Variants in WWOX observed in about 807,000 individuals in gnomAD.
WWOX encodes WW domain-containing oxidoreductase.
Under a neutral mutation model 46.2 loss-of-function variants are expected in WWOX, and 69 were observed. The ratio of observed to expected loss-of-function variants is 1.49; its 90% confidence interval spans 1.23 to 1.82. WWOX has a LOEUF of 1.82. WWOX is among the 40% of genes most tolerant of loss of function. WWOX has a pLI of 0.00. For synonymous variants in WWOX, 359 were observed against 202.6 expected (o/e 1.77, Z -6.56); for missense variants, 919 against 542.6 (o/e 1.69, Z -6.89).
At chr16:78,402,509 G>C (rs760069557) in intron 6 of WWOX, among the ~76,000 whole-genome samples, 1 of 152,056 alleles carries the variant, frequency 6.6e-6, no homozygotes, top group African/African-American at 2.4e-5. Flanking sequence ...TGGAAAGTAG[G>C]GTTGGAGGTC....
intron 5 of WWOX, among the ~76,000 whole-genome samples, chr16:78,274,840 A>G (rs2079548102): frequency 6.6e-6 from 1 of 152,210 alleles, no homozygotes; most frequent in Non-Finnish European, 1.5e-5. Flanking sequence ...TTAATGCCTC[A>G]TGAATGCCCA....
In WWOX at chr16:78,375,063, C is replaced by G. The variant is rs534046388; in HGVS notation, c.517-11797C>G. On this transcript the variant is annotated intron_variant, in intron 5 of 8. Coordinates refer to ENST00000566780, the MANE Select transcript of WWOX (RefSeq NM_016373.4). Reference sequence around the variant, plus strand: ...GCAGATACCATTTTAAGCAGGAAACCTTATTTTTTTCCGAAGCACATTTAA... The same window carrying G: ...GCAGATACCATTTTAAGCAGGAAACGTTATTTTTTTCCGAAGCACATTTAA... 5.9e-5 allele frequency among the ~76,000 whole-genome samples: 9 copies of G among 152,280 alleles called. No individual in the cohort carries two copies. In the South Asian group the frequency reaches 1.2e-3, roughly 21 times the overall value.
At chr16:79,014,288 A>C (rs2047370057) in intron 8 of WWOX, among the ~76,000 whole-genome samples, 2 of 152,114 alleles carry the variant, frequency 1.3e-5, no homozygotes, top group African/African-American at 2.4e-5. Context: ...CCACCCGGTG[A>C]TTTATACCAA....
chr16:78,903,490 A>G (rs868665633), intron 8 of WWOX, among the ~76,000 whole-genome samples: 1 of 152,358 alleles, frequency 6.6e-6, no homozygotes. Context: ...TGCAAAAAGC[A>G]AAACCACTCA....
At chr16:79,084,760 C>T (rs941382840) in intron 8 of WWOX, among the ~76,000 whole-genome samples, 1 of 151,580 alleles carries the variant, frequency 6.6e-6, no homozygotes, top group Non-Finnish European at 1.5e-5. Context: ...ACAGTGACTC[C>T]TTGTTAGGGT....
At chr16:79,129,517 GA>G (rs1323407386) in intron 8 of WWOX, among the ~76,000 whole-genome samples, 1 of 151,514 alleles carries the variant, frequency 6.6e-6, no homozygotes, top group Non-Finnish European at 1.5e-5. Context: ...TTAAGCTGCA[GA>G]AAATGGCGGT....
intron 8 of WWOX, chr16:78,895,230 A>G (rs751777854): frequency 4.6e-5 from 7 of 152,376 alleles, no homozygotes; most frequent in Admixed American, 3.3e-4. Flanking sequence ...TAACAGAAAT[A>G]GAACCTGCCT....
At chr16:79,019,655 T>C (rs2047491773) in intron 8 of WWOX, among the ~76,000 whole-genome samples, 1 of 151,870 alleles carries the variant, frequency 6.6e-6, no homozygotes, top group African/African-American at 2.4e-5. Flanking sequence ...GCATACTGGA[T>C]AAGCAAGGGA....
intron 8 of WWOX, among the ~76,000 whole-genome samples, chr16:78,886,596 C>G (rs2044462754): frequency 1.3e-5 from 2 of 148,620 alleles, no homozygotes; most frequent in South Asian, 4.2e-4. Context: ...TATGTATTGT[C>G]CAATTGCTTT....
At chr16:78,894,049 T>TATTATTATTATAATA (rs879592229) in intron 8 of WWOX, among the ~76,000 whole-genome samples, 1 of 148,130 alleles carries the variant, frequency 6.8e-6, no homozygotes. Flanking sequence ...TTATTATTAT[T>TATTATTATTATAATA]ATATTTTGAG....
At chr16:79,118,024 T>A (rs141903576) in intron 8 of WWOX, among the ~76,000 whole-genome samples, 457 of 152,380 alleles carry the variant, frequency 3.0e-3, no homozygotes, top group African/African-American at 0.01. Flanking sequence ...TCAAGAACTT[T>A]TTCTTTGCAT....
In WWOX at chr16:78,904,234, CTT is replaced by C. The variant is rs5818190; in HGVS notation, c.1057-307351_1057-307350del. Among the ~76,000 whole-genome samples, 634 of 85,756 alleles carry C rather than the reference CTT, an allele frequency of 7.4e-3. 4 individuals are homozygous for C. Among genetic ancestry groups the C allele is most frequent in the African/African-American group, 0.016 (355 of 22,816 alleles). 56.3% of individuals were successfully genotyped at this position (85,756 alleles called of 152,430 possible). ...ATCACTTAGATGATCTTATAAATGC[CTT>C]TTTTTTTTTTTTTTTTTTTTTTAGT... On this transcript the variant is annotated intron_variant, in intron 8 of 8. Coordinates refer to ENST00000566780, the MANE Select transcript of WWOX (RefSeq NM_016373.4).
intron 8 of WWOX, among the ~76,000 whole-genome samples, chr16:78,459,131 C>CT (rs1386493881): frequency 6.6e-6 from 1 of 152,110 alleles, no homozygotes; most frequent in Non-Finnish European, 1.5e-5. Flanking sequence ...ATGAAGCTTC[C>CT]TTTAGCCTTC....
intron 8 of WWOX, among the ~76,000 whole-genome samples, chr16:78,722,166 C>G (rs1194835453): frequency 6.6e-6 from 1 of 152,180 alleles, no homozygotes; most frequent in Non-Finnish European, 1.5e-5. Context: ...GTGGCTCACT[C>G]CCTGTCTGTC....
chr16:78,956,625 TATC>T (rs972649816), intron 8 of WWOX, among the ~76,000 whole-genome samples: 7 of 152,192 alleles, frequency 4.6e-5, no homozygotes, highest in African/African-American at 1.2e-4. Flanking sequence ...TGTCATATCA[TATC>T]ATATCATACC....
chr16:79,068,409 G>C (rs181662017), intron 8 of WWOX, among the ~76,000 whole-genome samples: 2 of 152,150 alleles, frequency 1.3e-5, no homozygotes. Context: ...GTTCCTGAGA[G>C]TAGCTCTGTG....
chr16:78,321,548 G>A (rs1168264408), intron 5 of WWOX, among the ~76,000 whole-genome samples: 1 of 151,874 alleles, frequency 6.6e-6, no homozygotes, highest in Non-Finnish European at 1.5e-5. Flanking sequence ...ATGTTTGTGG[G>A]TGTGTAGGAC....
intron 8 of WWOX, among the ~76,000 whole-genome samples, chr16:79,124,105 A>G (rs915048755): frequency 5.3e-5 from 8 of 152,176 alleles, no homozygotes; most frequent in African/African-American, 1.9e-4. Context: ...CTGATTAACT[A>G]TAGCCTTGGC....
At chr16:79,090,110 C>T (rs1597365639) in intron 8 of WWOX, 1 of 151,836 alleles carries the variant, frequency 6.6e-6, no homozygotes, top group East Asian at 1.9e-4. Flanking sequence ...AAAAAAGGGG[C>T]TTTAATCAAG....
Sources: allele counts gnomAD v4.1 joint callset (sites outside exome capture counted in the v4.1 genomes callset), GRCh38; gene constraint gnomAD v4.1.1; transcripts MANE v1.5; gene names NCBI Gene and HGNC (gene_info 2026-07-23, HGNC 2026-07-21).